CDK13: variants seen among roughly 807,000 people sequenced by gnomAD.
CDK13 encodes cyclin dependent kinase 13, also known as cyclin-dependent kinase 13.
Under a neutral mutation model 137.6 loss-of-function variants are expected in CDK13, and 40 were observed. That is an observed-to-expected ratio of 0.29 (90% CI 0.23 to 0.38). The LOEUF (loss-of-function observed/expected upper bound fraction) is 0.38. CDK13 is among the 10% of genes least tolerant of loss of function. The pLI is 1.00. For missense variants in CDK13, 1,704 were observed against 1,951.8 expected (o/e 0.87, Z 2.39); for synonymous variants, 869 against 760.1 (o/e 1.14, Z -2.36).
chr7:39,973,646 G>C (rs1275459324), intron 1 of CDK13, among the ~76,000 whole-genome samples: 2 of 151,920 alleles, frequency 1.3e-5, no homozygotes, highest in African/African-American at 4.8e-5. Context: ...GTGTTTTTTG[G>C]TCTCAAATCT....
chr7:40,041,708 T>G (rs1785609776), intron 5 of CDK13, among the ~76,000 whole-genome samples: 1 of 152,222 alleles, frequency 6.6e-6, no homozygotes, highest in East Asian at 1.9e-4. Context: ...TATGTGTATA[T>G]TTGATAACTG....
At chr7:39,999,838 A>G (rs559059362) in intron 4 of CDK13, among the ~76,000 whole-genome samples, 37 of 152,174 alleles carry the variant, frequency 2.4e-4, no homozygotes, top group African/African-American at 8.4e-4. Flanking sequence ...TTTTAGTAGT[A>G]AATTTTTTTT....
At chr7:40,039,246 TTTTTA>T (rs1785552004) in intron 5 of CDK13, among the ~76,000 whole-genome samples, 1 of 151,578 alleles carries the variant, frequency 6.6e-6, no homozygotes, top group Non-Finnish European at 1.5e-5. Flanking sequence ...ATTTAGAGAG[TTTTTA>T]TTTTATTTAT....
intron 5 of CDK13, among the ~76,000 whole-genome samples, chr7:40,024,645 GTTTTTTTTTTTTTTTTTT>G (rs58010602): frequency 1.2e-3 from 60 of 50,286 alleles, no homozygotes; most frequent in African/African-American, 3.3e-3. Context: ...GTAGCTCTGT[GTTTTTTTTTTTTTTTTTT>G]TTTTTTTTTT....
At chr7:40,035,146 T>A (rs1785455172) in intron 5 of CDK13, among the ~76,000 whole-genome samples, 1 of 152,218 alleles carries the variant, frequency 6.6e-6, no homozygotes, top group Non-Finnish European at 1.5e-5. Context: ...CATAATGAAA[T>A]TTTATGTGGC....
At chr7:40,043,223 A>G (rs1785654170) in intron 5 of CDK13, among the ~76,000 whole-genome samples, 1 of 152,168 alleles carries the variant, frequency 6.6e-6, no homozygotes, top group African/African-American at 2.4e-5. Context: ...ACATTTGTCA[A>G]AACACTATTT....
At position 40,094,132 on chromosome 7, in the gene CDK13, C is replaced by G; in HGVS notation, c.3691C>G (p.Gln1231Glu). The G allele has an allele frequency of 6.2e-7, 1 of 1,613,306 alleles. No individual in the cohort carries two copies. The highest frequency in any genetic ancestry group is 8.5e-7 in the Non-Finnish European group (1 of 1,179,826). Residue 1231 changes from glutamine (Q) to glutamate (E), a missense_variant and splice_region_variant, in exon 14 of 14, where the codon CAA becomes GAA. Around this residue, in one of 5 missense-constraint regions of CDK13, gnomAD observed 475 missense variants for 579.3 expected, o/e 0.82. Coordinates refer to ENST00000181839, the MANE Select transcript of CDK13 (RefSeq NM_003718.5). Reference sequence around the variant, plus strand: ...TGTTTTTGCTCTGTTTCACTTAGGACAAGATGACCTCATCCAGCATCAAGA... The same window carrying G: ...TGTTTTTGCTCTGTTTCACTTAGGAGAAGATGACCTCATCCAGCATCAAGA... Reference protein sequence around the residue: ...PPEPSTPVSGQDDLIQHQDMR... With the variant: ...PPEPSTPVSGEDDLIQHQDMR...
rs572701322 is a variant in CDK13 at position 40,052,810 on chromosome 7, CATG to C, written c.2600+4936_2600+4938del. 2.5e-3 allele frequency among the ~76,000 whole-genome samples: 386 copies of C among 152,270 alleles called. 1 individual carries two copies. The highest frequency in any genetic ancestry group is 3.7e-3 in the Non-Finnish European group (251 of 68,010). ...TGTTCCCTAAAACATTGACTGCATT[CATG>C]ATAAGTGCTTGGTTGATGCTGATCT... is the stretch of plus-strand genomic sequence containing the variant. On this transcript the variant is annotated intron_variant, in intron 7 of 13. Coordinates refer to ENST00000181839, the MANE Select transcript of CDK13 (RefSeq NM_003718.5).
At chr7:40,086,379 ATAT>A (rs1381240814) in intron 11 of CDK13, among the ~76,000 whole-genome samples, 1 of 152,182 alleles carries the variant, frequency 6.6e-6, no homozygotes, top group Non-Finnish European at 1.5e-5. Flanking sequence ...TTATAGGTAT[ATAT>A]TACCAGGTGG....
intron 5 of CDK13, among the ~76,000 whole-genome samples, chr7:40,008,075 C>T (rs113609694): frequency 1.1e-4 from 16 of 152,218 alleles, no homozygotes; most frequent in African/African-American, 3.1e-4. Context: ...TTTATATTCC[C>T]GCAGTTTAGA....
intron 1 of CDK13, chr7:39,953,024 A>C (rs1787286465): frequency 6.6e-6 from 1 of 152,168 alleles, no homozygotes; most frequent in African/African-American, 2.4e-5. Flanking sequence ...GGGTTTCAGT[A>C]ATGGCAAGTG....
chr7:40,068,342 G>C (rs1786329374), intron 9 of CDK13, among the ~76,000 whole-genome samples: 1 of 151,438 alleles, frequency 6.6e-6, no homozygotes, highest in African/African-American at 2.4e-5. Flanking sequence ...TGTTCTCAGT[G>C]AACCATATGG....
At chr7:40,010,923 A>T (rs1441494335) in intron 5 of CDK13, among the ~76,000 whole-genome samples, 1 of 152,216 alleles carries the variant, frequency 6.6e-6, no homozygotes, top group South Asian at 2.1e-4. Flanking sequence ...TAAAGAGAAT[A>T]AAACATCTAG....
intron 1 of CDK13, among the ~76,000 whole-genome samples, chr7:39,960,876 A>G (rs1375047853): frequency 6.6e-6 from 1 of 152,058 alleles, no homozygotes; most frequent in Non-Finnish European, 1.5e-5. Flanking sequence ...CACCCGGCCA[A>G]TTTATTTTTT....
chr7:40,098,177 A>G lies in CDK13; in HGVS notation c.*3197A>G, dbSNP rs186489523. 1.3e-5 allele frequency: 2 copies of G among 152,254 alleles called. No individual in the cohort carries two copies. Among genetic ancestry groups the G allele is most frequent in the Admixed American group, 1.3e-4 (2 of 15,288 alleles). The allele number at this position is 152,254 out of a possible 1,614,324, so 9.4% of individuals were successfully genotyped here. A position where few individuals can be genotyped will look rare whatever the true frequency, so the allele number is the denominator to read the frequency against. On this transcript the variant is annotated 3_prime_UTR_variant, in exon 14 of 14. Coordinates refer to ENST00000181839, the MANE Select transcript of CDK13 (RefSeq NM_003718.5). The stretch of plus-strand genomic sequence containing the variant: ...CTGGAATAGCTGTTTGATATCACTT[A>G]AAAGTGATAAAATTTTAAGTTGAAT...
intron 2 of CDK13, among the ~76,000 whole-genome samples, chr7:39,989,100 AAAAAAAAAAAAG>A (rs1266250598): frequency 1.4e-5 from 2 of 145,788 alleles, no homozygotes; most frequent in East Asian, 2.1e-4. Context: ...AAAAAAAAAA[AAAAAAAAAAAAG>A]AGAAAATTCA....
chr7:40,020,530 G>T (rs1322563916), intron 5 of CDK13, among the ~76,000 whole-genome samples: 2 of 152,062 alleles, frequency 1.3e-5, no homozygotes, highest in East Asian at 1.9e-4. Flanking sequence ...GGCTAAACTG[G>T]CATGCTACTC....
At chr7:39,972,077 C>T (rs1784012044) in intron 1 of CDK13, among the ~76,000 whole-genome samples, 1 of 152,146 alleles carries the variant, frequency 6.6e-6, no homozygotes, top group Non-Finnish European at 1.5e-5. Flanking sequence ...TTTTCATTTT[C>T]TGTCTTCAAA....
intron 4 of CDK13, among the ~76,000 whole-genome samples, chr7:40,001,441 T>A (rs1784682933): frequency 6.6e-6 from 1 of 152,156 alleles, no homozygotes; most frequent in Non-Finnish European, 1.5e-5. Context: ...GATCTCGAAC[T>A]CCTGACCTCG....
Sources: gnomAD v4.1 joint callset for allele counts (sites outside exome capture counted in the v4.1 genomes callset) on GRCh38, gnomAD v4.1.1 for gene constraint, gnomAD v4.1.1 regional missense constraint, MANE v1.5 for transcripts, NCBI Gene and HGNC (gene_info 2026-07-23, HGNC 2026-07-21) for gene names.